DLG2: variants seen among roughly 807,000 people sequenced by gnomAD.
DLG2 encodes the protein disks large homolog 2.
DLG2 carries 45 observed loss-of-function variants against 132.5 expected under a neutral mutation model. That is an observed-to-expected ratio of 0.34 (90% confidence interval 0.27 to 0.44). DLG2 has a LOEUF of 0.44. DLG2 is among the 20% of genes least tolerant of loss of function. The probability of loss-of-function intolerance (pLI) is 1.00; values close to 1 mark genes in which losing one functional copy is unlikely to be tolerated. For missense variants in DLG2, 1,045 were observed against 1,196.9 expected (o/e 0.87, Z 1.87); for synonymous variants, 424 against 419.6 (o/e 1.01, Z -0.13).
chr11:83,819,469 C>CAAAAAAAAAA (rs398016925), intron 17 of DLG2, among the ~76,000 whole-genome samples: 5 of 28,118 alleles, frequency 1.8e-4, no homozygotes, highest in Non-Finnish European at 3.1e-4. Flanking sequence ...GACTCTATCT[C>CAAAAAAAAAA]AAAAAAAAAA....
intron 17 of DLG2, among the ~76,000 whole-genome samples, chr11:83,792,145 C>A (rs2041742283): frequency 6.6e-6 from 1 of 152,006 alleles, no homozygotes; most frequent in African/African-American, 2.4e-5. Flanking sequence ...CAGTGAGATC[C>A]CTCTTGATGT....
chr11:85,315,092 A>G (rs1486159051), intron 3 of DLG2, among the ~76,000 whole-genome samples: 1 of 152,116 alleles, frequency 6.6e-6, no homozygotes, highest in Non-Finnish European at 1.5e-5. Flanking sequence ...TAGAGCACAT[A>G]TAAAAAACGC....
intron 18 of DLG2, among the ~76,000 whole-genome samples, chr11:83,761,271 T>A (rs1305557223): frequency 1.3e-5 from 2 of 152,142 alleles, no homozygotes; most frequent in African/African-American, 4.8e-5. Flanking sequence ...CTAGGAGGGG[T>A]AACAATCCCA....
intron 4 of DLG2, among the ~76,000 whole-genome samples, chr11:85,173,133 T>C (rs2078994116): frequency 6.6e-6 from 1 of 152,038 alleles, no homozygotes; most frequent in Admixed American, 6.6e-5. Flanking sequence ...CCCAGTAAGA[T>C]ACCCAACAAG....
intron 3 of DLG2, among the ~76,000 whole-genome samples, chr11:85,487,485 G>T (rs1292285895): frequency 7.1e-6 from 1 of 140,954 alleles, no homozygotes; most frequent in African/African-American, 2.6e-5. Flanking sequence ...TTTCTAAAAA[G>T]AACCAAATAG....
intron 15 of DLG2, among the ~76,000 whole-genome samples, chr11:83,894,644 T>C (rs1253645712): frequency 6.6e-6 from 1 of 152,244 alleles, no homozygotes; most frequent in Non-Finnish European, 1.5e-5. Context: ...ATTTTCTTTG[T>C]GTCGAGAACA....
At chr11:85,396,355 AG>A (rs1360053585) in intron 3 of DLG2, among the ~76,000 whole-genome samples, 1 of 152,192 alleles carries the variant, frequency 6.6e-6, no homozygotes, top group African/African-American at 2.4e-5. Flanking sequence ...TCCAAAAAAG[AG>A]AGCACCTCTT....
intron 7 of DLG2, among the ~76,000 whole-genome samples, chr11:84,282,235 T>G (rs2097860682): frequency 6.6e-6 from 1 of 152,174 alleles, no homozygotes; most frequent in African/African-American, 2.4e-5. Flanking sequence ...AATAATCATG[T>G]TGAGTGAAAG....
intron 2 of DLG2, among the ~76,000 whole-genome samples, chr11:85,623,405 A>G (rs912609798): frequency 6.6e-6 from 1 of 152,096 alleles, no homozygotes; most frequent in Non-Finnish European, 1.5e-5. Context: ...CCTGGGTTCA[A>G]GCAATTCTCC....
At chr11:83,471,250 T>C (rs1224509828) in intron 24 of DLG2, among the ~76,000 whole-genome samples, 5 of 152,108 alleles carry the variant, frequency 3.3e-5, no homozygotes, top group Non-Finnish European at 7.4e-5. Context: ...TATATGGCTT[T>C]GTTTCCGATC....
Position 84,597,755 on chromosome 11 carries a change from C to T in DLG2, c.358-63024G>A, listed in dbSNP as rs892009270. ...ATCATCTGAATCCATTGATCAATTA[C>T]AGCATCAGTAAAAGTAGGACAAGAA... On this transcript the variant is annotated intron_variant, in intron 6 of 27. Transcript: ENST00000376104. 4.6e-5 allele frequency among the ~76,000 whole-genome samples: 7 copies of T among 152,238 alleles called. 1 individual carries two copies. In the South Asian group the frequency reaches 6.2e-4, roughly 14 times the overall value.
intron 18 of DLG2, among the ~76,000 whole-genome samples, chr11:83,737,675 C>T (rs1055067951): frequency 3.9e-5 from 6 of 152,098 alleles, no homozygotes; most frequent in Middle Eastern, 3.2e-3. Context: ...ATAAATAGGC[C>T]GGGTGTGGTG....
intron 6 of DLG2, among the ~76,000 whole-genome samples, chr11:84,891,490 C>T (rs2089383425): frequency 6.6e-6 from 1 of 152,054 alleles, no homozygotes; most frequent in Non-Finnish European, 1.5e-5. Context: ...ACCACAATTT[C>T]AACCCTATAT....
intron 3 of DLG2, among the ~76,000 whole-genome samples, chr11:85,471,515 G>C (rs1295066011): frequency 1.3e-5 from 2 of 152,024 alleles, no homozygotes; most frequent in African/African-American, 4.8e-5. Context: ...CAGCATGAAG[G>C]AAAAATAGAC....
chr11:85,476,130 G>A (rs766869352), intron 3 of DLG2, among the ~76,000 whole-genome samples: 3 of 152,040 alleles, frequency 2.0e-5, no homozygotes, highest in Non-Finnish European at 4.4e-5. Flanking sequence ...ATAGCCTATC[G>A]CTCCTAGGCT....
intron 3 of DLG2, among the ~76,000 whole-genome samples, chr11:85,588,009 G>A (rs1021666781): frequency 6.6e-6 from 1 of 152,184 alleles, no homozygotes; most frequent in African/African-American, 2.4e-5. Flanking sequence ...TGTTTGAGGA[G>A]GCTAAGGATA....
At chr11:84,818,137 G>A (rs2077268861) in intron 6 of DLG2, among the ~76,000 whole-genome samples, 1 of 151,974 alleles carries the variant, frequency 6.6e-6, no homozygotes, top group Non-Finnish European at 1.5e-5. Context: ...TATCAGAGGA[G>A]AATGACTTCA....
chr11:83,689,976 T>A (rs971071143), intron 18 of DLG2, among the ~76,000 whole-genome samples: 1 of 140,564 alleles, frequency 7.1e-6, no homozygotes, highest in Non-Finnish European at 1.5e-5. Flanking sequence ...ATATTTATAT[T>A]ATAATATATT....
intron 6 of DLG2, among the ~76,000 whole-genome samples, chr11:84,985,721 A>C (rs1342637756): frequency 6.6e-6 from 1 of 152,008 alleles, no homozygotes; most frequent in African/African-American, 2.4e-5. Flanking sequence ...AGGCCCATCA[A>C]GGTGGCTCAT....
Sources: allele counts gnomAD v4.1 joint callset (sites outside exome capture counted in the v4.1 genomes callset), GRCh38; gene constraint gnomAD v4.1.1; transcripts MANE v1.5; gene names NCBI Gene and HGNC (gene_info 2026-07-23, HGNC 2026-07-21).